The following RNF8 variants were observed in gnomAD, a reference collection of about 807,000 sequenced individuals.
RNF8 encodes the protein E3 ubiquitin-protein ligase RNF8.
In RNF8, 8 loss-of-function variants were observed where a neutral mutation model predicts 59.3. The observed-to-expected ratio is 0.13, with a 90% CI of 0.08 to 0.24. RNF8 has a LOEUF of 0.24. RNF8 is among the 10% of genes least tolerant of loss of function. RNF8 has a pLI of 1.00. For synonymous variants in RNF8, 162 were observed against 200.0 expected (o/e 0.81, Z 1.60); for missense variants, 406 against 572.6 (o/e 0.71, Z 2.97).
Position 37,377,019 on chromosome 6 carries a change from G to C in RNF8, c.1222G>C (p.Glu408Gln). Reference sequence around the variant, plus strand: ...TGAGCTCCAATGTATTATTTGTTCAGAATACTTCATTGAGGTAATTATGAA... The same window carrying C: ...TGAGCTCCAATGTATTATTTGTTCACAATACTTCATTGAGGTAATTATGAA... ...ENELQCIICS[E>Q]YFIEAVTLNC... The change falls in exon 6 of 8, where the codon GAA becomes CAA. Residue 408 changes from glutamate (E) to glutamine (Q), a missense_variant. By Grantham distance (29) the Glu-to-Gln change is conservative (BLOSUM62 2). Transcript: ENST00000373479. 1 of 1,295,694 alleles carries C rather than the reference G, an allele frequency of 7.7e-7. No homozygotes were observed. The highest frequency in any genetic ancestry group is 1.1e-6 in the Non-Finnish European group (1 of 924,082). 80.3% of individuals were successfully genotyped at this position (1,295,694 alleles called of 1,614,324 possible). A position where few individuals can be genotyped will look rare whatever the true frequency, so the allele number is the denominator to read the frequency against.
chr6:37,368,688 G>A lies in RNF8; in HGVS notation c.445G>A (p.Glu149Lys). 1.2e-6 allele frequency: 2 copies of A among 1,613,872 alleles called. No individual in the cohort carries two copies. Among genetic ancestry groups the A allele is most frequent in the South Asian group, 2.2e-5 (2 of 91,040 alleles). Residue 149 changes from glutamate to lysine, a missense_variant, in exon 3 of 8, where the codon GAA becomes AAA. By Grantham distance (56) the Glu-to-Lys change is moderately conservative (BLOSUM62 1). Transcript: ENST00000373479. ...KNDQMIEKNK[E>K]LRTKRKFSLD... ...TGACCAAATGATAGAAAAAAATAAG[G>A]AATTGAGAACTAAAAGGAAATTCAG...
rs1475196183 is a variant in RNF8, at chr6:37,393,979, C to T, written c.*3221C>T. The stretch of plus-strand genomic sequence containing the variant: ...CTCTCTGTGACTGGAATCTCTCCAC[C>T]TCATCGTATCTAAGGATAACCCAGA... On this transcript the variant is annotated 3_prime_UTR_variant, in exon 8 of 8. Coordinates refer to ENST00000373479, the MANE Select transcript of RNF8 (RefSeq NM_003958.4). 6.6e-6 allele frequency: 1 copy of T among 152,236 alleles called. No individual in the cohort carries two copies. The highest frequency in any genetic ancestry group is 1.5e-5 in the Non-Finnish European group (1 of 68,070). 9.4% of individuals were successfully genotyped at this position (152,236 alleles called of 1,614,324 possible). A position where few individuals can be genotyped will look rare whatever the true frequency, so the allele number is the denominator to read the frequency against.
intron 1 of RNF8, chr6:37,359,093 CA>C: frequency 5.1e-6 from 2 of 395,564 alleles, no homozygotes; most frequent in South Asian, 1.9e-5. Context: ...AAGACTCTCT[CA>C]AAAAAACAAA....
intron 2 of RNF8, among the ~76,000 whole-genome samples, chr6:37,363,926 T>C (rs1769432447): frequency 1.3e-5 from 2 of 152,156 alleles, no homozygotes; most frequent in Non-Finnish European, 2.9e-5. Context: ...ACGCCTGTAA[T>C]CCCAGCACTT....
chr6:37,389,362 A>T (rs1363690364), intron 7 of RNF8, among the ~76,000 whole-genome samples: 1 of 151,596 alleles, frequency 6.6e-6, no homozygotes, highest in Non-Finnish European at 1.5e-5. Flanking sequence ...GTGATTGGGG[A>T]GTGAGTATGA....
Position 37,368,664 on chromosome 6 carries a change from G to A in RNF8, c.421G>A (p.Asp141Asn), listed in dbSNP as rs769346892. The change falls in exon 3 of 8, where the codon GAC becomes AAC. Residue 141 changes from aspartate (D) to asparagine (N), a missense_variant. Around this residue, in one of 3 missense-constraint regions of RNF8, gnomAD observed 285 missense variants for 342.0 expected, o/e 0.83. Transcript: ENST00000373479. ...ATATCCTTGTCTTTCCCCAAAGAATGACCAAATGATAGAAAAAAATAAGGA... is the reference window on the plus strand; with the variant it reads ...ATATCCTTGTCTTTCCCCAAAGAATAACCAAATGATAGAAAAAAATAAGGA... ...TIYPCLSPKN[D>N]QMIEKNKELR... The A allele has an allele frequency of 1.5e-5, 25 of 1,613,662 alleles. No individual in the cohort carries two copies. Among genetic ancestry groups the A allele is most frequent in the South Asian group, 5.5e-5 (5 of 91,018 alleles).
rs1040478340 is a variant in RNF8, at chr6:37,363,433, A to G, written c.240+2859A>G. On this transcript the variant is annotated intron_variant, in intron 2 of 7. Transcript: ENST00000373479. ...ATACTGAGGTATCTGCAGAACTCCA[A>G]TAAGAAAAAGACAGATATGCCCTAT... 5.3e-5 allele frequency among the ~76,000 whole-genome samples: 8 copies of G among 152,364 alleles called. No homozygotes were observed. The South Asian group carries it at 6.2e-4, about 12-fold the overall frequency.
At chr6:37,390,239 T>C (rs1417247985) in intron 7 of RNF8, among the ~76,000 whole-genome samples, 1 of 152,192 alleles carries the variant, frequency 6.6e-6, no homozygotes, top group African/African-American at 2.4e-5. Context: ...CTAAGTTAGA[T>C]GTAATTAATG....
chr6:37,370,540 A>G (rs1769759074), intron 3 of RNF8, among the ~76,000 whole-genome samples: 1 of 152,060 alleles, frequency 6.6e-6, no homozygotes. Flanking sequence ...TGGTTTAGAG[A>G]ATTTCTCTGG....
chr6:37,368,123 A>G (rs1265481099), intron 2 of RNF8, among the ~76,000 whole-genome samples: 1 of 152,164 alleles, frequency 6.6e-6, no homozygotes, highest in Non-Finnish European at 1.5e-5. Flanking sequence ...TTCTTCACTA[A>G]TAGCATTTTT....
At chr6:37,378,582 C>CA (rs1770116949) in intron 6 of RNF8, among the ~76,000 whole-genome samples, 1 of 121,682 alleles carries the variant, frequency 8.2e-6, no homozygotes, top group African/African-American at 3.3e-5. Flanking sequence ...GCATGGGTGA[C>CA]AGAGCGAGAC....
chr6:37,357,953 A>G (rs1769181651), intron 1 of RNF8, among the ~76,000 whole-genome samples: 1 of 152,238 alleles, frequency 6.6e-6, no homozygotes, highest in African/African-American at 2.4e-5. Context: ...AGAGGGGAAA[A>G]GTAAAATAAA....
At chr6:37,361,983 G>A (rs1769342036) in intron 2 of RNF8, among the ~76,000 whole-genome samples, 1 of 152,196 alleles carries the variant, frequency 6.6e-6, no homozygotes, top group South Asian at 2.1e-4. Flanking sequence ...TCTCTGCTAT[G>A]CCCTGTGTCA....
chr6:37,361,270 A>G (rs1769311144), intron 2 of RNF8: 3 of 454,542 alleles, frequency 6.6e-6, no homozygotes, highest in African/African-American at 4.0e-5. Context: ...ATTCTGGGTT[A>G]TAGTGTGCTA....
In RNF8 at chr6:37,393,821, C is replaced by G. The variant is rs2113839601; in HGVS notation, c.*3063C>G. The G allele has an allele frequency of 6.6e-6, 1 of 152,392 alleles. No homozygotes were observed. Among genetic ancestry groups the G allele is most frequent in the East Asian group, 1.9e-4 (1 of 5,188 alleles). 9.4% of individuals were successfully genotyped at this position (152,392 alleles called of 1,614,324 possible). ...AGCTGCTGTTGTACAGAAAGACCTG[C>G]ATTTCCCCCTTGTCTCCAGTTCTCT... On this transcript the variant is annotated 3_prime_UTR_variant, in exon 8 of 8. Transcript: ENST00000373479.
At chr6:37,361,670 A>G (rs1375391735) in intron 2 of RNF8, 1 of 303,434 alleles carries the variant, frequency 3.3e-6, no homozygotes, top group Non-Finnish European at 6.4e-6. Context: ...TACCATTAGA[A>G]GGGAGGGTAT....
intron 4 of RNF8, among the ~76,000 whole-genome samples, chr6:37,372,592 A>G (rs1769855461): frequency 6.6e-6 from 1 of 152,222 alleles, no homozygotes; most frequent in Non-Finnish European, 1.5e-5. Context: ...GGGATCACTG[A>G]GTACCCTGCA....
rs756054001 is a variant in RNF8, at chr6:37,368,391, A to C, written c.241-93A>C. 9 of 1,611,412 alleles carry C rather than the reference A, an allele frequency of 5.6e-6. No individual in the cohort carries two copies. The Admixed American group carries it at 1.3e-4, about 24-fold the overall frequency. ...TTTGTTATCAAGAGTTTTCCTTCTG[A>C]AAAGGCAGAAGATTTTACAGCAGCA... On this transcript the variant is annotated intron_variant, in intron 2 of 7. Transcript: ENST00000373479.
In RNF8 at chr6:37,354,696, TGAG is replaced by T. The variant is rs768779448; in HGVS notation, c.111+425_111+427del. ...GGAGGAGAGGGACGCGCAGGGAACG[TGAG>T]GAGATGCGGGGGTGTCGAGGAGGGG... is the stretch of plus-strand genomic sequence containing the variant. On this transcript the variant is annotated intron_variant, in intron 1 of 7. Transcript: ENST00000373479. Among the ~76,000 whole-genome samples the T allele has an allele frequency of 6.5e-5, 7 of 107,558 alleles. No homozygotes were observed. In the South Asian group the frequency reaches 1.8e-3, roughly 27 times the overall value. 70.6% of individuals were successfully genotyped at this position (107,558 alleles called of 152,430 possible). A position where few individuals can be genotyped will look rare whatever the true frequency, so the allele number is the denominator to read the frequency against.
Sources: allele counts gnomAD v4.1 joint callset (sites outside exome capture counted in the v4.1 genomes callset), GRCh38; gene constraint gnomAD v4.1.1; regional missense constraint gnomAD v4.1.1; transcripts MANE v1.5; gene names NCBI Gene and HGNC (gene_info 2026-07-23, HGNC 2026-07-21).